The following MAMLD1 variants were observed in gnomAD, a reference collection of about 807,000 sequenced individuals.
MAMLD1 encodes mastermind-like domain-containing protein 1.
A neutral mutation model predicts 45.0 loss-of-function variants in MAMLD1; 14 were observed. The observed-to-expected ratio is 0.31, with a 90% CI of 0.21 to 0.49. The LOEUF is 0.49. Among genes scored for constraint, MAMLD1 ranks in the 20% least tolerant of loss-of-function variants. MAMLD1 has a pLI of 0.99. For synonymous variants in MAMLD1, 254 were observed against 247.8 expected (o/e 1.02, Z -0.24); for missense variants, 543 against 603.6 (o/e 0.90, Z 1.05).
At chrX:150,509,737 T>C (rs2037844803) in intron 6 of MAMLD1, 1 of 422,267 alleles carries the variant, frequency 2.4e-6, no homozygotes, top group African/African-American at 2.5e-5. Context: ...TGCCCCATTC[T>C]ATGCTGTTGC....
chrX:150,397,903 A>G, intron 1 of MAMLD1, among the ~76,000 whole-genome samples: 1 of 111,367 alleles, frequency 9.0e-6, no homozygotes, highest in Admixed American at 9.6e-5. Flanking sequence ...ATCCCCATTA[A>G]GAAGTTTCAT....
intron 2 of MAMLD1, among the ~76,000 whole-genome samples, chrX:150,450,006 A>G (rs1464983696): frequency 9.0e-5 from 10 of 111,626 alleles, no homozygotes; most frequent in Admixed American, 7.5e-4. Context: ...ACAGGCAGGA[A>G]GTTGTAGATC....
chrX:150,454,830 A>G (rs1487164665), intron 2 of MAMLD1, among the ~76,000 whole-genome samples: 1 of 110,508 alleles, frequency 9.0e-6, no homozygotes, highest in Non-Finnish European at 1.9e-5. Flanking sequence ...CACCATGGCT[A>G]CCACCATCCC....
chrX:150,456,288 A>G (rs1164862881), intron 2 of MAMLD1, among the ~76,000 whole-genome samples: 1 of 110,330 alleles, frequency 9.1e-6, no homozygotes, highest in African/African-American at 3.3e-5. Flanking sequence ...CTTCTCTGCC[A>G]CTATCTATAT....
chrX:150,499,896 G>A (rs1183639852), intron 5 of MAMLD1, among the ~76,000 whole-genome samples: 2 of 111,854 alleles, frequency 1.8e-5, no homozygotes, highest in African/African-American at 6.5e-5. Flanking sequence ...ATGAGTAGAT[G>A]TGCTAAAATG....
intron 1 of MAMLD1, among the ~76,000 whole-genome samples, chrX:150,402,852 C>T (rs782526817): frequency 5.2e-4 from 57 of 110,099 alleles, no homozygotes; most frequent in Non-Finnish European, 7.8e-4. Flanking sequence ...TGTTCTCACT[C>T]ATAGGTGGGA....
chrX:150,381,662 C>G lies in MAMLD1; in HGVS notation c.-64+18132C>G, dbSNP rs1303033283. ...GTGATCTCTTGAGATTGGCTTTTTT[C>G]CCTCAGCATAATTCTGATAGTGGTG... On this transcript the variant is annotated intron_variant, in intron 1 of 7. Transcript: ENST00000370401. Among the ~76,000 whole-genome samples, 3 of 112,129 alleles carry G rather than the reference C, an allele frequency of 2.7e-5. No individual in the cohort carries two copies. The Admixed American group carries it at 2.8e-4, about 11-fold the overall frequency.
Position 150,512,601 on chromosome X carries a change from T to A in MAMLD1, c.*642T>A. ...GTGCCCCTGGCCAACAACCCCAGCT[T>A]CAGCCTGCTGGGCAGCCAGAGCCTC... On this transcript the variant is annotated 3_prime_UTR_variant, in exon 8 of 8. Coordinates refer to ENST00000370401, the MANE Select transcript of MAMLD1 (RefSeq NM_005491.5). 1 of 1,152,161 alleles carries A rather than the reference T, an allele frequency of 8.7e-7. No individual in the cohort carries two copies. The highest frequency in any genetic ancestry group is 1.1e-6 in the Non-Finnish European group (1 of 870,265). The allele number at this position is 1,152,161 out of a possible 1,213,427, so 95.0% of individuals were successfully genotyped here. A position where few individuals can be genotyped will look rare whatever the true frequency, so the allele number is the denominator to read the frequency against.
intron 1 of MAMLD1, among the ~76,000 whole-genome samples, chrX:150,430,683 G>A (rs1164871239): frequency 8.9e-6 from 1 of 111,850 alleles, no homozygotes; most frequent in Non-Finnish European, 1.9e-5. Context: ...TTCATGTTTT[G>A]CCTATAGATA....
chrX:150,438,057 C>T (rs1003734288), intron 1 of MAMLD1, among the ~76,000 whole-genome samples: 1 of 110,696 alleles, frequency 9.0e-6, no homozygotes, highest in African/African-American at 3.3e-5. Context: ...TTCTTTGTAT[C>T]GCTGAGTAGT....
intron 1 of MAMLD1, among the ~76,000 whole-genome samples, chrX:150,393,027 A>G (rs2033256436): frequency 9.0e-6 from 1 of 111,490 alleles, no homozygotes; most frequent in African/African-American, 3.3e-5. Context: ...AGTTTGAACA[A>G]ATATATGATG....
At chrX:150,462,384 G>A (rs16995733) in intron 2 of MAMLD1, among the ~76,000 whole-genome samples, 13,116 of 111,436 alleles carry the variant, frequency 0.12, 624 homozygotes, top group Non-Finnish European at 0.13. Context: ...CCTCTCTTAG[G>A]CTTGTTAAGG....
chrX:150,481,957 GAAAGAAA>G (rs1404407445), intron 5 of MAMLD1, among the ~76,000 whole-genome samples: 1 of 78,722 alleles, frequency 1.3e-5, no homozygotes, highest in Non-Finnish European at 2.4e-5. Flanking sequence ...AAGAAAGAAA[GAAAGAAA>G]AAAGAAAGAA....
At chrX:150,447,576 T>A (rs919054917) in intron 2 of MAMLD1, among the ~76,000 whole-genome samples, 6 of 111,658 alleles carry the variant, frequency 5.4e-5, no homozygotes, top group Non-Finnish European at 1.1e-4. Context: ...CTGCTGCACA[T>A]GCTGAGGATC....
intron 7 of MAMLD1, among the ~76,000 whole-genome samples, chrX:150,511,398 C>T (rs782642831): frequency 1.8e-5 from 2 of 111,879 alleles, no homozygotes; most frequent in East Asian, 5.6e-4. Flanking sequence ...AGAAAGGAAA[C>T]CCATTACCGT....
chrX:150,376,875 GGA>G lies in MAMLD1; in HGVS notation c.-64+13346_-64+13347del, dbSNP rs1491220681. Among the ~76,000 whole-genome samples, 251 of 76,489 alleles carry G rather than the reference GGA, an allele frequency of 3.3e-3. 3 individuals carry two copies. The highest frequency in any genetic ancestry group is 0.017 in the African/African-American group (244 of 14,368). 66.4% of individuals were successfully genotyped at this position (76,489 alleles called of 115,157 possible). A position where few individuals can be genotyped will look rare whatever the true frequency, so the allele number is the denominator to read the frequency against. On this transcript the variant is annotated intron_variant, in intron 1 of 7. Coordinates refer to ENST00000370401, the MANE Select transcript of MAMLD1 (RefSeq NM_005491.5). The stretch of plus-strand genomic sequence containing the variant: ...CTTCATATTTGCTAATTTTCATTAT[GGA>G]AAAAAAAAAAAAACAATCCCAAGCC...
At position 150,512,878 on chromosome X, in the gene MAMLD1, T is replaced by C. The variant is rs1246172466; in HGVS notation, c.*919T>C. On this transcript the variant is annotated 3_prime_UTR_variant, in exon 8 of 8. Coordinates refer to ENST00000370401, the MANE Select transcript of MAMLD1 (RefSeq NM_005491.5). Reference sequence around the variant, plus strand: ...TGCGCCAGCCCCAACCCCCACTAAATGATCTGATTTCGTCACCTGACTGCA... The same window carrying C: ...TGCGCCAGCCCCAACCCCCACTAAACGATCTGATTTCGTCACCTGACTGCA... 3 of 1,153,832 alleles carry C rather than the reference T, an allele frequency of 2.6e-6. No individual in the cohort carries two copies. Among genetic ancestry groups the C allele is most frequent in the Non-Finnish European group, 3.4e-6 (3 of 872,280 alleles).
At chrX:150,392,077 C>T (rs1353443499) in intron 1 of MAMLD1, among the ~76,000 whole-genome samples, 2 of 111,859 alleles carry the variant, frequency 1.8e-5, no homozygotes, top group Non-Finnish European at 3.8e-5. Context: ...TCCCACCAGC[C>T]CATGCTAGGG....
intron 5 of MAMLD1, among the ~76,000 whole-genome samples, chrX:150,477,949 G>A (rs782637635): frequency 2.7e-5 from 3 of 111,505 alleles, no homozygotes; most frequent in East Asian, 2.9e-4. Flanking sequence ...CACAGAGCAC[G>A]CATCCTGAGG....
Sources: gnomAD v4.1 joint callset for allele counts (sites outside exome capture counted in the v4.1 genomes callset) on GRCh38, gnomAD v4.1.1 for gene constraint, MANE v1.5 for transcripts, NCBI Gene and HGNC (gene_info 2026-07-23, HGNC 2026-07-21) for gene names.